Variants in CACNA1A observed in about 807,000 individuals in gnomAD.
CACNA1A encodes the protein calcium voltage-gated channel subunit alpha1 A.
A neutral mutation model predicts 262.4 loss-of-function variants in CACNA1A; 57 were observed. That is an observed-to-expected ratio of 0.22 (90% confidence interval 0.18 to 0.27). The LOEUF (loss-of-function observed/expected upper bound fraction) is 0.27, where lower values mean the gene tolerates loss of function less well. CACNA1A is among the 10% of genes least tolerant of loss of function. The pLI, the probability that CACNA1A is intolerant of heterozygous loss-of-function variation, is 1.00. For synonymous variants in CACNA1A, 1,431 were observed against 1,419.3 expected (o/e 1.01, Z -0.18); for missense variants, 2,526 against 3,562.8 (o/e 0.71, Z 7.41).
At chr19:13,496,299 T>C (rs1236875402) in intron 1 of CACNA1A, among the ~76,000 whole-genome samples, 1 of 152,214 alleles carries the variant, frequency 6.6e-6, no homozygotes, top group African/African-American at 2.4e-5. Flanking sequence ...ACACTCCATG[T>C]CCTTGTAAGG....
At chr19:13,352,934 G>A (rs1255288989) in intron 6 of CACNA1A, among the ~76,000 whole-genome samples, 2 of 152,048 alleles carry the variant, frequency 1.3e-5, no homozygotes, top group African/African-American at 4.8e-5. Flanking sequence ...CACCATGCCT[G>A]GCTAATTTTT....
chr19:13,417,016 T>C (rs2060234755), intron 3 of CACNA1A, among the ~76,000 whole-genome samples: 1 of 152,116 alleles, frequency 6.6e-6, no homozygotes, highest in African/African-American at 2.4e-5. Context: ...GGTGACCGAA[T>C]TGCACGGTAC....
At chr19:13,420,616 A>G (rs1264505488) in intron 3 of CACNA1A, among the ~76,000 whole-genome samples, 2 of 152,128 alleles carry the variant, frequency 1.3e-5, no homozygotes, top group Non-Finnish European at 2.9e-5. Context: ...TCTTTCCTAG[A>G]GCAGTTGTCA....
At chr19:13,291,329 C>T (rs1012090653) in intron 19 of CACNA1A, among the ~76,000 whole-genome samples, 2 of 151,922 alleles carry the variant, frequency 1.3e-5, no homozygotes, top group Non-Finnish European at 2.9e-5. Flanking sequence ...TGTCCCCACC[C>T]CCTGTCCTAA....
chr19:13,224,857 G>T, intron 37 of CACNA1A, 85 bp from the exon 38 acceptor site: 1 of 889,688 alleles, frequency 1.1e-6, no homozygotes, highest in Non-Finnish European at 1.8e-6. Flanking sequence ...TACCCAGGGA[G>T]TCCCAGGAAG....
At chr19:13,459,185 C>T (rs968958686) in intron 1 of CACNA1A, among the ~76,000 whole-genome samples, 1 of 152,152 alleles carries the variant, frequency 6.6e-6, no homozygotes, top group East Asian at 1.9e-4. Context: ...AACCTCTCCC[C>T]TCCTCGTAGC....
At chr19:13,389,958 A>T (rs1204674034) in intron 3 of CACNA1A, among the ~76,000 whole-genome samples, 1 of 151,904 alleles carries the variant, frequency 6.6e-6, no homozygotes, top group East Asian at 1.9e-4. Flanking sequence ...GACTACAGGC[A>T]TGCGCCACCA....
intron 3 of CACNA1A, among the ~76,000 whole-genome samples, chr19:13,418,048 T>C (rs1238326672): frequency 6.6e-6 from 1 of 152,092 alleles, no homozygotes; most frequent in African/African-American, 2.4e-5. Flanking sequence ...GTGACAATAT[T>C]TGTGTTGCAA....
intron 10 of CACNA1A, among the ~76,000 whole-genome samples, chr19:13,320,239 A>T (rs868136042): frequency 0.013 from 1,232 of 91,690 alleles, 16 homozygotes; most frequent in African/African-American, 0.061. Flanking sequence ...CCACAGATCG[A>T]GAGAGAGAGA....
At chr19:13,345,621 AC>A (rs1363933986) in intron 6 of CACNA1A, among the ~76,000 whole-genome samples, 3 of 152,198 alleles carry the variant, frequency 2.0e-5, no homozygotes, top group African/African-American at 7.2e-5. Flanking sequence ...TGTTAAAAAA[AC>A]AAAAACAAAA....
At chr19:13,326,528 G>A (rs963326832) in intron 10 of CACNA1A, among the ~76,000 whole-genome samples, 8 of 152,022 alleles carry the variant, frequency 5.3e-5, no homozygotes, top group African/African-American at 1.7e-4. Context: ...GCTCACGCCT[G>A]TAATCCCACT....
chr19:13,341,550 G>A (rs2058676133), intron 6 of CACNA1A, among the ~76,000 whole-genome samples: 1 of 152,114 alleles, frequency 6.6e-6, no homozygotes. Flanking sequence ...CCAGCCACCT[G>A]GCTTCCTTGC....
intron 5 of CACNA1A, among the ~76,000 whole-genome samples, chr19:13,360,760 A>G (rs1196205263): frequency 6.6e-6 from 1 of 152,200 alleles, no homozygotes; most frequent in African/African-American, 2.4e-5. Context: ...TACAGGCGTG[A>G]GCCACTGCAC....
intron 3 of CACNA1A, among the ~76,000 whole-genome samples, chr19:13,447,965 C>G (rs752639238): frequency 2.0e-5 from 3 of 151,996 alleles, no homozygotes; most frequent in Non-Finnish European, 4.4e-5. Flanking sequence ...CTCACAGACA[C>G]ACCCAGGAAC....
chr19:13,422,568 A>G (rs1390529617), intron 3 of CACNA1A, among the ~76,000 whole-genome samples: 1 of 152,210 alleles, frequency 6.6e-6, no homozygotes, highest in Non-Finnish European at 1.5e-5. Flanking sequence ...TGGAAAGAAT[A>G]TCTGTATATC....
intron 3 of CACNA1A, among the ~76,000 whole-genome samples, chr19:13,421,690 C>T (rs1549185): frequency 0.96 from 145,413 of 152,256 alleles, 69,654 homozygotes; most frequent in Non-Finnish European, 0.99. Flanking sequence ...ACCCCTTCTA[C>T]GAAACAAGAA....
chr19:13,240,577 GTTTCTGCGTGCAGTGAC>G (rs2056044158), intron 31 of CACNA1A, among the ~76,000 whole-genome samples: 1 of 150,940 alleles, frequency 6.6e-6, no homozygotes, highest in Non-Finnish European at 1.5e-5. Flanking sequence ...TGTGTGTCCA[GTTTCTGCGTGCAGTGAC>G]TGTGTGTGCG....
chr19:13,216,663 C>T (rs531846066), intron 38 of CACNA1A, among the ~76,000 whole-genome samples: 2 of 5,448 alleles, frequency 3.7e-4, no homozygotes, highest in Admixed American at 3.8e-3. Flanking sequence ...ATCTATCTAT[C>T]TATCTATCTA....
intron 3 of CACNA1A, among the ~76,000 whole-genome samples, chr19:13,414,079 C>G (rs141983807): frequency 1.3e-4 from 19 of 151,434 alleles, no homozygotes; most frequent in Non-Finnish European, 2.2e-4. Context: ...CAAAAATTAG[C>G]CAGGTGTGTT....
Sources: gnomAD v4.1 joint callset for allele counts (sites outside exome capture counted in the v4.1 genomes callset) on GRCh38, gnomAD v4.1.1 for gene constraint, MANE v1.5 for transcripts, NCBI Gene and HGNC (gene_info 2026-07-23, HGNC 2026-07-21) for gene names.